Variants in TBCK observed in about 807,000 individuals in gnomAD.
TBCK encodes the protein TBC domain-containing protein kinase-like protein.
TBCK carries 99 observed loss-of-function variants against 113.4 expected under a neutral mutation model. The observed-to-expected ratio is 0.87, with a 90% confidence interval of 0.74 to 1.03. The LOEUF is 1.03. Ranked by LOEUF, TBCK falls within the 50% of genes least tolerant of loss-of-function variation. TBCK has a pLI of 0.00. For synonymous variants in TBCK, 369 were observed against 370.8 expected (o/e 1.00, Z 0.05); for missense variants, 1,045 against 1,061.3 (o/e 0.98, Z 0.21).
At chr4:106,052,567 G>C (rs1454370764) in intron 25 of TBCK, among the ~76,000 whole-genome samples, 1 of 151,464 alleles carries the variant, frequency 6.6e-6, no homozygotes, top group Non-Finnish European at 1.5e-5. Context: ...TTTGAGGTTA[G>C]GAAATTTGAT....
chr4:106,245,759 T>C (rs1221943612), intron 10 of TBCK, among the ~76,000 whole-genome samples: 1 of 152,180 alleles, frequency 6.6e-6, no homozygotes, highest in East Asian at 1.9e-4. Context: ...CCTATGCTTA[T>C]CAAAATTCTA....
chr4:106,159,408 T>C, intron 23 of TBCK, among the ~76,000 whole-genome samples: 1 of 151,996 alleles, frequency 6.6e-6, no homozygotes, highest in African/African-American at 2.4e-5. Context: ...AAAACACTGT[T>C]AGAACTAATA....
At chr4:106,194,339 T>A (rs916886858) in intron 21 of TBCK, among the ~76,000 whole-genome samples, 17 of 152,218 alleles carry the variant, frequency 1.1e-4, no homozygotes, top group Admixed American at 6.5e-5. Flanking sequence ...ATTCACATAA[T>A]CTGCTTAATT....
intron 16 of TBCK, among the ~76,000 whole-genome samples, chr4:106,233,335 A>G (rs979785797): frequency 2.0e-5 from 3 of 152,032 alleles, no homozygotes; most frequent in Admixed American, 6.6e-5. Context: ...TTCCTTTATA[A>G]TCTGGTCCAA....
chr4:106,159,701 T>C (rs547316579), intron 23 of TBCK, among the ~76,000 whole-genome samples: 3 of 152,174 alleles, frequency 2.0e-5, no homozygotes, highest in Admixed American at 2.0e-4. Flanking sequence ...ATATCAATAT[T>C]ACTCAAAGCC....
intron 23 of TBCK, among the ~76,000 whole-genome samples, chr4:106,124,176 A>G (rs1560684483): frequency 6.6e-6 from 1 of 152,204 alleles, no homozygotes; most frequent in Non-Finnish European, 1.5e-5. Flanking sequence ...CAACCCCATC[A>G]ACAAGTGGGC....
chr4:106,144,896 G>A (rs1468355639), intron 23 of TBCK, among the ~76,000 whole-genome samples: 6 of 151,694 alleles, frequency 4.0e-5, no homozygotes, highest in African/African-American at 1.2e-4. Flanking sequence ...GGTGGTATAC[G>A]CCCATAATCC....
intron 24 of TBCK, among the ~76,000 whole-genome samples, chr4:106,098,663 A>C (rs1444106140): frequency 6.6e-6 from 1 of 152,122 alleles, no homozygotes; most frequent in Non-Finnish European, 1.5e-5. Flanking sequence ...AAAAGCATCC[A>C]GTTATTGTAG....
intron 17 of TBCK, among the ~76,000 whole-genome samples, chr4:106,232,022 C>T (rs1033584255): frequency 1.3e-5 from 2 of 151,480 alleles, no homozygotes; most frequent in African/African-American, 4.8e-5. Flanking sequence ...AAGAGAAATA[C>T]AATAATAGAA....
chr4:106,081,854 G>T (rs2149492708), intron 25 of TBCK, among the ~76,000 whole-genome samples: 1 of 152,222 alleles, frequency 6.6e-6, no homozygotes, highest in Admixed American at 6.5e-5. Flanking sequence ...ATGAAAAAAT[G>T]CTCATCATCA....
intron 19 of TBCK, among the ~76,000 whole-genome samples, chr4:106,225,302 T>A (rs1758116422): frequency 6.6e-6 from 1 of 152,174 alleles, no homozygotes; most frequent in African/African-American, 2.4e-5. Context: ...CAATTCAAGA[T>A]TTCAAATGCA....
chr4:106,054,278 G>C (rs1402653449), intron 25 of TBCK, among the ~76,000 whole-genome samples: 1 of 151,614 alleles, frequency 6.6e-6, no homozygotes, highest in Non-Finnish European at 1.5e-5. Context: ...CTCTTACTTA[G>C]ATTACTGCAA....
intron 20 of TBCK, among the ~76,000 whole-genome samples, chr4:106,205,236 T>C (rs1028010797): frequency 3.9e-5 from 6 of 152,196 alleles, no homozygotes; most frequent in African/African-American, 1.4e-4. Context: ...TTAATAAATG[T>C]GATTTTAAAA....
chr4:106,200,960 G>A (rs1329335038), intron 20 of TBCK, among the ~76,000 whole-genome samples: 2 of 151,686 alleles, frequency 1.3e-5, no homozygotes, highest in Non-Finnish European at 2.9e-5. Flanking sequence ...TAATATTGGG[G>A]AAAAATCCTT....
intron 25 of TBCK, among the ~76,000 whole-genome samples, chr4:106,061,481 TATGTATGTACTTA>T (rs1248961296): frequency 6.7e-6 from 1 of 149,876 alleles, no homozygotes. Flanking sequence ...TTGATTAAGG[TATGTATGTACTTA>T]ATTTAGATAT....
chr4:106,098,691 G>A (rs1212238381), intron 24 of TBCK, among the ~76,000 whole-genome samples: 1 of 152,036 alleles, frequency 6.6e-6, no homozygotes, highest in African/African-American at 2.4e-5. Flanking sequence ...TTTACCACGT[G>A]TTTGGATATG....
chr4:106,250,702 A>G (rs1164984881), intron 6 of TBCK, among the ~76,000 whole-genome samples: 2 of 151,948 alleles, frequency 1.3e-5, no homozygotes. Context: ...TTATACATCT[A>G]AGGGTCATTA....
At chr4:106,208,658 C>G (rs941983765) in intron 20 of TBCK, among the ~76,000 whole-genome samples, 1 of 152,090 alleles carries the variant, frequency 6.6e-6, no homozygotes, top group African/African-American at 2.4e-5. Context: ...CAACCTTATT[C>G]TTGGACATGG....
intron 3 of TBCK, among the ~76,000 whole-genome samples, chr4:106,272,220 GTAA>G (rs997116445): frequency 1.3e-5 from 2 of 152,016 alleles, no homozygotes; most frequent in Non-Finnish European, 2.9e-5. Context: ...TTAAAATGAA[GTAA>G]TAATAACCGC....
Sources: allele counts gnomAD v4.1 joint callset (sites outside exome capture counted in the v4.1 genomes callset), GRCh38; gene constraint gnomAD v4.1.1; transcripts MANE v1.5; gene names NCBI Gene and HGNC (gene_info 2026-07-23, HGNC 2026-07-21).